Variants in F13A1 observed in about 807,000 individuals in gnomAD.
F13A1 encodes coagulation factor XIII A chain.
Under a neutral mutation model 80.1 loss-of-function variants are expected in F13A1, and 47 were observed. The observed-to-expected ratio is 0.59, with a 90% CI of 0.46 to 0.75. The LOEUF (loss-of-function observed/expected upper bound fraction) is 0.75, where lower values mean the gene tolerates loss of function less well. Among genes scored for constraint, F13A1 ranks in the 30% least tolerant of loss-of-function variants. F13A1 has a pLI of 0.00. For synonymous variants in F13A1, 349 were observed against 344.9 expected, an observed-to-expected ratio of 1.01 and a Z score of -0.13; for missense variants, 817 against 930.4, an observed-to-expected ratio of 0.88 and a Z score of 1.59.
In F13A1 at chr6:6,145,051, G is replaced by C; in HGVS notation, c.*568C>G. ...TTCTAACAAGGTAAATCTAAAATTT[G>C]GCAGGCATTTGCTTGGCTGCAGGTG... On this transcript the variant is annotated 3_prime_UTR_variant, in exon 15 of 15. Transcript: ENST00000264870. The C allele has an allele frequency of 6.3e-6, 1 of 157,610 alleles. No individual in the cohort carries two copies. Among genetic ancestry groups the C allele is most frequent in the East Asian group, 1.9e-4 (1 of 5,332 alleles). The allele number at this position is 157,610 out of a possible 1,614,324, so 9.8% of individuals were successfully genotyped here. A position where few individuals can be genotyped will look rare whatever the true frequency, so the allele number is the denominator to read the frequency against.
Position 6,181,982 on chromosome 6 carries a change from A to C in F13A1, c.1459+6T>G. 1 of 1,614,140 alleles carries C rather than the reference A, an allele frequency of 6.2e-7. No individual in the cohort carries two copies. The highest frequency in any genetic ancestry group is 1.3e-5 in the African/African-American group (1 of 75,052). ...AATAAATCTTCATTCAGTGGTAGTA[A>C]ATTACCTTCTTGGAATTTGTAAGTA... On this transcript the variant is annotated splice_donor_region_variant and intron_variant, in intron 11 of 14. Transcript: ENST00000264870.
intron 3 of F13A1, among the ~76,000 whole-genome samples, chr6:6,288,517 T>C (rs1758169006): frequency 6.6e-6 from 1 of 152,240 alleles, no homozygotes; most frequent in Non-Finnish European, 1.5e-5. Flanking sequence ...TTCTAAGGGC[T>C]GTATAGTACT....
At chr6:6,269,472 T>G (rs1757890538) in intron 3 of F13A1, among the ~76,000 whole-genome samples, 1 of 151,658 alleles carries the variant, frequency 6.6e-6, no homozygotes, top group Non-Finnish European at 1.5e-5. Context: ...GATTTTTCCA[T>G]CAGGAGAACT....
intron 8 of F13A1, among the ~76,000 whole-genome samples, chr6:6,203,468 C>T (rs1045322521): frequency 6.6e-6 from 1 of 152,174 alleles, no homozygotes; most frequent in African/African-American, 2.4e-5. Context: ...AGAGACAGAG[C>T]AAGTCAGGGA....
In F13A1 at chr6:6,197,294, G is replaced by T; in HGVS notation, c.1145C>A (p.Thr382Lys). ...AAATCCAACAGGAAGGTCAGGCCTT[G>T]TCATCCATGCTTCATTCCAGCAGTG... is the stretch of plus-strand genomic sequence containing the variant. ...NYHCWNEAWM[T>K]RPDLPVGFGG... Residue 382 changes from threonine to lysine, a missense_variant, in exon 9 of 15, where the codon ACA becomes AAA. Transcript: ENST00000264870. The T allele has an allele frequency of 6.2e-7, 1 of 1,614,222 alleles. No homozygotes were observed. The highest frequency in any genetic ancestry group is 1.1e-5 in the South Asian group (1 of 91,088).
chr6:6,191,504 A>G (rs184349085), intron 10 of F13A1, among the ~76,000 whole-genome samples: 1 of 152,306 alleles, frequency 6.6e-6, no homozygotes, highest in African/African-American at 2.4e-5. Flanking sequence ...CCTACATAGT[A>G]GCCTCTACCA....
rs553029336 is a variant in F13A1, at chr6:6,243,836, T to C, written c.798+4476A>G. On this transcript the variant is annotated intron_variant, in intron 6 of 14. Coordinates refer to ENST00000264870, the MANE Select transcript of F13A1 (RefSeq NM_000129.4). This position sits in a 1 kb window ranked among gnomAD's most constrained non-coding sequence, Gnocchi z 4.2. ...CTTGACCCACTGGAGCAAATATGGA[T>C]GGAGGTGGTACATGTAGGTGTGTCA... Among the ~76,000 whole-genome samples the C allele has an allele frequency of 1.3e-5, 2 of 152,316 alleles. No homozygotes were observed. Among genetic ancestry groups the C allele is most frequent in the South Asian group, 4.1e-4 (2 of 4,822 alleles).
At chr6:6,218,277 C>T (rs1028621255) in intron 8 of F13A1, among the ~76,000 whole-genome samples, 2 of 152,190 alleles carry the variant, frequency 1.3e-5, no homozygotes, top group African/African-American at 4.8e-5. Context: ...CTGAGCTCTT[C>T]CAAGGTGAGG....
At position 6,250,474 on chromosome 6, in the gene F13A1, T is replaced by C. The variant is rs879717290; in HGVS notation, c.690+337A>G. Among the ~76,000 whole-genome samples the C allele has an allele frequency of 1.3e-5, 2 of 152,096 alleles. No homozygotes were observed. The highest frequency in any genetic ancestry group is 2.9e-5 in the Non-Finnish European group (2 of 68,016). On this transcript the variant is annotated intron_variant, in intron 5 of 14. Transcript: ENST00000264870. The surrounding 1 kb of genome is among the most constrained non-coding windows in gnomAD (Gnocchi z 4.2). The stretch of plus-strand genomic sequence containing the variant: ...CACACCCCTTGCAGTATTCTTTGCA[T>C]CACTTTGAAAATACCTTTCTTTATA...
In F13A1 at chr6:6,211,215, GC is replaced by G. The variant is rs575153603; in HGVS notation, c.1112+10817del. On this transcript the variant is annotated intron_variant, in intron 8 of 14. Transcript: ENST00000264870. ...ATGTCAGCACTTAAATCAGGGCATTGCAAAAAAAAGTATTTTTGTGAACATG... is the reference window on the plus strand; with the variant it reads ...ATGTCAGCACTTAAATCAGGGCATTGAAAAAAAAGTATTTTTGTGAACATG... 1.1e-3 allele frequency among the ~76,000 whole-genome samples: 172 copies of G among 152,060 alleles called. 1 individual carries two copies. The highest frequency in any genetic ancestry group is 2.2e-3 in the Non-Finnish European group (150 of 68,002).
rs121913072 is a variant in F13A1, at chr6:6,222,165, C to G, written c.980G>C (p.Arg327Pro). 1 of 1,613,918 alleles carries G rather than the reference C, an allele frequency of 6.2e-7. No homozygotes were observed. Among genetic ancestry groups the G allele is most frequent in the South Asian group, 1.1e-5 (1 of 91,068 alleles). ...AATTCTTGCTGGTATTCCAAGGCAT[C>G]GTAAAACTACAGGAAAGGACAGACC... ...VFAGVFNTFL[R>P]CLGIPARIVT... The change falls in exon 8 of 15, where the codon CGA (arginine) becomes CCA (proline). Residue 327 changes from arginine to proline, a missense_variant. By Grantham distance (103) the Arg-to-Pro change is moderately radical (BLOSUM62 -2). Coordinates refer to ENST00000264870, the MANE Select transcript of F13A1 (RefSeq NM_000129.4).
chr6:6,257,654 T>C (rs1386876205), intron 4 of F13A1, among the ~76,000 whole-genome samples: 1 of 152,332 alleles, frequency 6.6e-6, no homozygotes, highest in Non-Finnish European at 1.5e-5. Flanking sequence ...CATCCATCAA[T>C]TCACAGATAT....
intron 3 of F13A1, among the ~76,000 whole-genome samples, chr6:6,267,991 A>T (rs1757868810): frequency 6.6e-6 from 1 of 152,246 alleles, no homozygotes; most frequent in Non-Finnish European, 1.5e-5. Flanking sequence ...ACTTTAAATT[A>T]AGACTTCAAA....
At chr6:6,249,109 G>A (rs1468132127) in intron 5 of F13A1, among the ~76,000 whole-genome samples, 3 of 152,174 alleles carry the variant, frequency 2.0e-5, no homozygotes, top group Non-Finnish European at 4.4e-5. Flanking sequence ...AGATCAAATA[G>A]CAAGACAGGA....
chr6:6,309,933 G>C (rs1216914132), intron 2 of F13A1, among the ~76,000 whole-genome samples: 1 of 152,186 alleles, frequency 6.6e-6, no homozygotes, highest in Non-Finnish European at 1.5e-5. Context: ...GGCTTCCCAA[G>C]CAGCTCTACC....
At chr6:6,303,953 T>C (rs1334031987) in intron 3 of F13A1, among the ~76,000 whole-genome samples, 1 of 152,212 alleles carries the variant, frequency 6.6e-6, no homozygotes, top group Admixed American at 6.5e-5. Flanking sequence ...CAGTGCTTTT[T>C]TCCCTTGAAT....
chr6:6,150,851 G>C (rs1760361157), intron 14 of F13A1, among the ~76,000 whole-genome samples: 1 of 151,898 alleles, frequency 6.6e-6, no homozygotes, highest in Admixed American at 6.6e-5. Context: ...ATGTGTGGGA[G>C]AGAGAGAGAG....
At chr6:6,258,636 C>T (rs1325719027) in intron 4 of F13A1, among the ~76,000 whole-genome samples, 2 of 152,102 alleles carry the variant, frequency 1.3e-5, no homozygotes, top group East Asian at 3.8e-4. Context: ...GGGATCCTTT[C>T]TGATTACAGG....
At chr6:6,148,470 C>T (rs1760322441) in intron 14 of F13A1, among the ~76,000 whole-genome samples, 1 of 152,084 alleles carries the variant, frequency 6.6e-6, no homozygotes, top group Admixed American at 6.6e-5. Context: ...GTGGTGATTC[C>T]CCAACTATTT....
Sources: allele counts gnomAD v4.1 joint callset (sites outside exome capture counted in the v4.1 genomes callset), GRCh38; gene constraint gnomAD v4.1.1; non-coding constraint Gnocchi (gnomAD v3.1); transcripts MANE v1.5; gene names NCBI Gene and HGNC (gene_info 2026-07-23, HGNC 2026-07-21).